GKN1: variants seen among roughly 807,000 people sequenced by gnomAD.
The protein encoded by GKN1 is gastrokine 1, also known as gastrokine-1.
GKN1 carries 17 observed loss-of-function variants against 19.7 expected under a neutral mutation model. That is an observed-to-expected ratio of 0.86 (90% CI 0.59 to 1.29). The LOEUF (loss-of-function observed/expected upper bound fraction) is 1.29. Among genes scored for constraint, GKN1 ranks in the 50% most tolerant of loss-of-function variants. The pLI is 0.00. For missense variants in GKN1, 218 were observed against 224.5 expected (o/e 0.97, Z 0.19); for synonymous variants, 96 against 78.3 (o/e 1.23, Z -1.20).
intron 5 of GKN1, 45 bp from the exon 6 acceptor site, chr2:68,980,684 C>A (rs771618252): frequency 1.7e-5 from 17 of 979,290 alleles, no homozygotes; most frequent in Non-Finnish European, 2.1e-5. Flanking sequence ...AGAAAAGAGT[C>A]CTTAAATAGA....
At chr2:68,978,457 G>A (rs963081902) in intron 3 of GKN1, among the ~76,000 whole-genome samples, 2 of 151,932 alleles carry the variant, frequency 1.3e-5, no homozygotes, top group African/African-American at 2.4e-5. Context: ...TTTAACAAAC[G>A]TTATACTTTT....
chr2:68,977,676 G>A lies in GKN1; in HGVS notation c.106G>A (p.Gly36Arg). 1 of 1,608,472 alleles carries A rather than the reference G, an allele frequency of 6.2e-7. No individual in the cohort carries two copies. The highest frequency in any genetic ancestry group is 8.5e-7 in the Non-Finnish European group (1 of 1,174,870). The change falls in exon 3 of 6, where the codon GGG (glycine) becomes AGG (arginine). Residue 36 changes from glycine (G) to arginine (R), a missense_variant. Physicochemically the swap from Gly to Arg is moderately radical, Grantham distance 125 (BLOSUM62 -2). Transcript: ENST00000377938. ...VNDDNNNAGS[G>R]QQSVSVNNEH... is the part of the protein sequence containing the mutation. ...TGATGACAACAACAATGCTGGAAGT[G>A]GGCAGCAGTCAGTGAGTGTCAACAA...
intron 1 of GKN1, among the ~76,000 whole-genome samples, chr2:68,975,564 C>A (rs1166776453): frequency 6.6e-6 from 1 of 152,076 alleles, no homozygotes; most frequent in Admixed American, 6.6e-5. Flanking sequence ...CACTGGAAAA[C>A]GTTACGGCAG....
intron 1 of GKN1, among the ~76,000 whole-genome samples, 169 bp downstream of exon 1, chr2:68,974,858 G>GT (rs1017523415): frequency 2.8e-4 from 42 of 152,212 alleles, no homozygotes; most frequent in African/African-American, 9.6e-4. Flanking sequence ...ACTAGGTCCT[G>GT]TTGGGGGGTG....
intron 3 of GKN1, among the ~76,000 whole-genome samples, chr2:68,978,297 AG>A (rs1558715317): frequency 6.5e-4 from 63 of 97,048 alleles, no homozygotes; most frequent in East Asian, 2.0e-3. Flanking sequence ...AGAAAGAAAG[AG>A]AGAGAAAGAA....
At chr2:68,980,151 C>A (rs1558715978) in intron 5 of GKN1, 91 bp downstream of exon 5, 1 of 1,099,540 alleles carries the variant, frequency 9.1e-7, no homozygotes. Context: ...ACCAGTGATG[C>A]AGGGATGGTC....
At position 68,977,533 on chromosome 2, in the gene GKN1, T is replaced by C. The variant is rs1670279872; in HGVS notation, c.51T>C (p.Pro17=). 1.9e-6 allele frequency: 3 copies of C among 1,610,950 alleles called. No individual in the cohort carries two copies. The highest frequency in any genetic ancestry group is 8.5e-7 in the Non-Finnish European group (1 of 1,177,368). Residue 17 remains proline (P), a synonymous_variant, in exon 2 of 6, where the codon CCT becomes CCC. Transcript: ENST00000377938. The part of the protein sequence containing the change: ...FAGLLGVFLA[P]ALANYNINVN... ...GACTTCTTGGAGTCTTTCTAGCTCC[T>C]GCCCTAGCTAACTATGTAAGTCTCA...
chr2:68,977,776 T>C lies in GKN1; in HGVS notation c.204+2T>C, dbSNP rs1052986345. 5 of 1,605,362 alleles carry C rather than the reference T, an allele frequency of 3.1e-6. No homozygotes were observed. The highest frequency in any genetic ancestry group is 4.3e-6 in the Non-Finnish European group (5 of 1,172,780). On this transcript the variant is annotated splice_donor_variant, in intron 3 of 5. Transcript: ENST00000377938. LOFTEE classifies it high-confidence loss of function. ...AATTCCATCTGGGATTATGGAAATG[T>C]AGGTAGTCAACGTGCAATTTTCACT...
chr2:68,979,567 G>C (rs1462946031), intron 4 of GKN1, among the ~76,000 whole-genome samples: 1 of 152,076 alleles, frequency 6.6e-6, no homozygotes, highest in African/African-American at 2.4e-5. Flanking sequence ...TCATTGACAA[G>C]GTAGAGAAAA....
chr2:68,980,786 TG>T lies in GKN1; in HGVS notation c.523del (p.Asp175ThrfsTer24). 6.3e-7 allele frequency: 1 copy of T among 1,594,780 alleles called. No homozygotes were observed. The highest frequency in any genetic ancestry group is 8.6e-7 in the Non-Finnish European group (1 of 1,162,376). ...TACACGACCAGTGTACTATGGATTG[TG>T]GACATTTCCTTCTGTGGAGACACGG... ...TCYTTSVLWI[V>X]DISFCGDTVE... On this transcript the variant is annotated frameshift_variant, in exon 6 of 6. Transcript: ENST00000377938. LOFTEE classifies it low-confidence loss of function (END_TRUNC).
intron 1 of GKN1, 30 bp downstream of exon 1, chr2:68,974,719 A>T (rs1310415427): frequency 2.2e-6 from 3 of 1,359,930 alleles, no homozygotes; most frequent in Non-Finnish European, 3.2e-6. Flanking sequence ...TGAATTTACC[A>T]CCAAATGATT....
At chr2:68,978,272 GA>G (rs1479970906) in intron 3 of GKN1, among the ~76,000 whole-genome samples, 60 of 105,106 alleles carry the variant, frequency 5.7e-4, no homozygotes, top group African/African-American at 1.2e-3. Flanking sequence ...AGGAAGGAAG[GA>G]AAGAAAGAAA....
chr2:68,980,590 G>A (rs1670344322), intron 5 of GKN1, 139 bp from the exon 6 acceptor site: 1 of 608,564 alleles, frequency 1.6e-6, no homozygotes, highest in African/African-American at 1.9e-5. Flanking sequence ...TCTCTGAATT[G>A]ATTGATTTCA....
At chr2:68,978,281 A>G (rs1455246933) in intron 3 of GKN1, among the ~76,000 whole-genome samples, 54 of 130,198 alleles carry the variant, frequency 4.1e-4, no homozygotes, top group African/African-American at 8.0e-4. Context: ...GGAAAGAAAG[A>G]AAGAAAGAAA....
intron 4 of GKN1, 30 bp downstream of exon 4, chr2:68,979,011 G>A (rs79011846): frequency 0.013 from 13,934 of 1,088,138 alleles, 452 homozygotes; most frequent in East Asian, 0.12. Flanking sequence ...TATTTTTGGT[G>A]AGGGGAGAGG....
At chr2:68,980,664 A>G (rs867916206) in intron 5 of GKN1, 65 bp from the exon 6 acceptor site, 15 of 833,646 alleles carry the variant, frequency 1.8e-5, no homozygotes, top group Middle Eastern at 2.2e-4. Context: ...TACTCCCCCA[A>G]TCCCCTCCAA....
intron 3 of GKN1, among the ~76,000 whole-genome samples, chr2:68,978,296 GAGAGA>G (rs1670304493): frequency 2.4e-4 from 25 of 102,396 alleles, no homozygotes; most frequent in Middle Eastern, 4.2e-3. Flanking sequence ...AAGAAAGAAA[GAGAGA>G]GAAAGAAAGA....
At chr2:68,976,399 G>T (rs13384985) in intron 1 of GKN1, among the ~76,000 whole-genome samples, 5 of 151,862 alleles carry the variant, frequency 3.3e-5, no homozygotes, top group African/African-American at 7.3e-5. Context: ...TTCAATACTG[G>T]TACAAATATG....
At chr2:68,974,866 G>T (rs1457112913) in intron 1 of GKN1, among the ~76,000 whole-genome samples, 177 bp downstream of exon 1, 5 of 152,100 alleles carry the variant, frequency 3.3e-5, no homozygotes, top group African/African-American at 4.8e-5. Flanking sequence ...CTGTTGGGGG[G>T]TGGAGAGTGA....
Sources: allele counts gnomAD v4.1 joint callset (sites outside exome capture counted in the v4.1 genomes callset), GRCh38; gene constraint gnomAD v4.1.1; transcripts MANE v1.5; gene names NCBI Gene and HGNC (gene_info 2026-07-23, HGNC 2026-07-21).